AMMECR1: variants seen among roughly 807,000 people sequenced by gnomAD.
AMMECR1 encodes the protein AMMECR nuclear protein 1, also known as nuclear protein AMMECR1.
Under a neutral mutation model 22.5 loss-of-function variants are expected in AMMECR1, and 3 were observed. The observed-to-expected ratio is 0.13, with a 90% confidence interval of 0.06 to 0.35. The LOEUF (loss-of-function observed/expected upper bound fraction) is 0.35. Ranked by LOEUF, AMMECR1 falls within the 10% of genes least tolerant of loss-of-function variation. The probability of loss-of-function intolerance (pLI) is 1.00; values close to 1 mark genes in which losing one functional copy is unlikely to be tolerated. For missense variants in AMMECR1, 235 were observed against 278.7 expected, an observed-to-expected ratio of 0.84 and a Z score of 1.12; for synonymous variants, 130 against 116.7, an observed-to-expected ratio of 1.11 and a Z score of -0.74.
intron 3 of AMMECR1, among the ~76,000 whole-genome samples, chrX:110,206,742 T>C (rs2067423627): frequency 9.0e-6 from 1 of 111,554 alleles, no homozygotes; most frequent in Non-Finnish European, 1.9e-5. Flanking sequence ...ATCACTCTAC[T>C]ACCTTGGGTG....
At chrX:110,344,537 T>C (rs377065111) in intron 2 of AMMECR1, among the ~76,000 whole-genome samples, 2 of 110,834 alleles carry the variant, frequency 1.8e-5, no homozygotes, top group Admixed American at 9.6e-5. Context: ...CAAAAGAAAC[T>C]ACCATCAGAG....
intron 2 of AMMECR1, among the ~76,000 whole-genome samples, chrX:110,227,581 G>C (rs1242604167): frequency 9.0e-6 from 1 of 111,524 alleles, no homozygotes; most frequent in East Asian, 2.8e-4. Context: ...CCTTTTGTAT[G>C]CGCTCCTCTT....
Position 110,270,471 on chromosome X carries a change from G to GT in AMMECR1, c.474-5873dup, listed in dbSNP as rs762797474. 2.5e-4 allele frequency among the ~76,000 whole-genome samples: 27 copies of GT among 109,531 alleles called. 1 individual carries two copies. The highest frequency in any genetic ancestry group is 1.2e-3 in the South Asian group (3 of 2,516). ...ATTTTCTTACTACTGGTATAATATGGTTTTTTTTTCCCCCACTACAGGAAA... is the reference window on the plus strand; with the variant it reads ...ATTTTCTTACTACTGGTATAATATGGTTTTTTTTTTCCCCCACTACAGGAAA... On this transcript the variant is annotated intron_variant, in intron 1 of 5. Transcript: ENST00000262844.
chrX:110,272,765 G>C (rs1237709026), intron 1 of AMMECR1, among the ~76,000 whole-genome samples: 2 of 111,804 alleles, frequency 1.8e-5, no homozygotes, highest in African/African-American at 6.5e-5. Flanking sequence ...AGAATATATG[G>C]TATTTGGCTG....
intron 1 of AMMECR1, among the ~76,000 whole-genome samples, chrX:110,295,774 T>C (rs2067932402): frequency 1.8e-5 from 2 of 111,698 alleles, no homozygotes; most frequent in Admixed American, 1.9e-4. Flanking sequence ...CTAGTTCAGA[T>C]TAATACCAAC....
At chrX:110,270,013 T>G (rs2067790549) in intron 1 of AMMECR1, among the ~76,000 whole-genome samples, 1 of 111,639 alleles carries the variant, frequency 9.0e-6, no homozygotes. Context: ...GCTTTAAGGC[T>G]GCTATACGGC....
rs1271374193 is a variant in AMMECR1, at chrX:110,340,305, A to T, written c.-147-22456T>A. 5.4e-5 allele frequency among the ~76,000 whole-genome samples: 6 copies of T among 112,079 alleles called. 1 individual carries two copies. Among genetic ancestry groups the T allele is most frequent in the African/African-American group, 1.9e-4 (6 of 30,819 alleles). Reference sequence around the variant, plus strand: ...TTATTGTTATAAGTGTAGGTAGTGAATTTTTTATTTCAAACATAAGGAAAA... The same window carrying T: ...TTATTGTTATAAGTGTAGGTAGTGATTTTTTTATTTCAAACATAAGGAAAA... On this transcript the variant is annotated intron_variant, in intron 2 of 7. Coordinates refer to the AMMECR1 transcript ENST00000372057.
intron 2 of AMMECR1, among the ~76,000 whole-genome samples, chrX:110,418,165 G>T (rs1004249297): frequency 8.9e-6 from 1 of 112,729 alleles, no homozygotes; most frequent in African/African-American, 3.2e-5. Context: ...CGGCATGCAG[G>T]CCGGGGACTC....
chrX:110,352,659 T>C (rs923403179), intron 2 of AMMECR1, among the ~76,000 whole-genome samples: 1 of 111,792 alleles, frequency 8.9e-6, no homozygotes, highest in African/African-American at 3.3e-5. Flanking sequence ...TCTTTGAATA[T>C]ACTAAAAACC....
intron 2 of AMMECR1, among the ~76,000 whole-genome samples, chrX:110,394,643 G>A (rs942804257): frequency 4.4e-5 from 5 of 112,932 alleles, no homozygotes; most frequent in African/African-American, 1.6e-4. Context: ...AGGACTTACT[G>A]TACTCAGAGA....
At chrX:110,393,101 G>T (rs938399239) in intron 2 of AMMECR1, among the ~76,000 whole-genome samples, 3 of 111,372 alleles carry the variant, frequency 2.7e-5, no homozygotes, top group Non-Finnish European at 5.7e-5. Context: ...TCCCACCGGA[G>T]ACTGCATCTT....
At chrX:110,244,281 T>C (rs1260481675) in intron 2 of AMMECR1, among the ~76,000 whole-genome samples, 2 of 111,965 alleles carry the variant, frequency 1.8e-5, no homozygotes, top group Admixed American at 1.9e-4. Flanking sequence ...ATCCTTTCCA[T>C]TCCATCCTAT....
chrX:110,438,495 A>G (rs2068855510), intron 1 of AMMECR1, among the ~76,000 whole-genome samples: 1 of 111,624 alleles, frequency 9.0e-6, no homozygotes, highest in Non-Finnish European at 1.9e-5. Context: ...ATGAACCTCT[A>G]TGATCCAAGT....
chrX:110,402,311 C>T (rs1602971319), intron 2 of AMMECR1, among the ~76,000 whole-genome samples: 1 of 112,993 alleles, frequency 8.9e-6, no homozygotes, highest in African/African-American at 3.2e-5. Flanking sequence ...TGCCAGAAAC[C>T]GTCATGGTCG....
At chrX:110,437,411 C>T (rs1024923440) in intron 1 of AMMECR1, among the ~76,000 whole-genome samples, 1 of 112,213 alleles carries the variant, frequency 8.9e-6, no homozygotes, top group African/African-American at 3.2e-5. Context: ...ATGATAGCTC[C>T]TATTACTGTG....
At chrX:110,284,712 T>C (rs927366494) in intron 1 of AMMECR1, among the ~76,000 whole-genome samples, 5 of 111,225 alleles carry the variant, frequency 4.5e-5, no homozygotes, top group Admixed American at 2.9e-4. Flanking sequence ...GTATCTATAC[T>C]GGATGGTGGG....
chrX:110,409,640 G>A (rs1235974767), intron 2 of AMMECR1, among the ~76,000 whole-genome samples: 1 of 103,518 alleles, frequency 9.7e-6, no homozygotes, highest in African/African-American at 4.1e-5. Flanking sequence ...TGTTGTTGCT[G>A]CTGCTGTTTT....
intron 2 of AMMECR1, among the ~76,000 whole-genome samples, chrX:110,223,000 C>T (rs925696742): frequency 5.8e-4 from 65 of 111,806 alleles, no homozygotes; most frequent in African/African-American, 1.9e-3. Flanking sequence ...TAGCTGCCCA[C>T]CAGGAAGGGA....
intron 2 of AMMECR1, among the ~76,000 whole-genome samples, chrX:110,351,440 A>G (rs2068210985): frequency 8.9e-6 from 1 of 112,212 alleles, no homozygotes; most frequent in Admixed American, 9.4e-5. Flanking sequence ...AAACTCTTAC[A>G]TTTATGTTTG....
Sources: gnomAD v4.1 joint callset for allele counts (sites outside exome capture counted in the v4.1 genomes callset) on GRCh38, gnomAD v4.1.1 for gene constraint, MANE v1.5 for transcripts, NCBI Gene and HGNC (gene_info 2026-07-23, HGNC 2026-07-21) for gene names.